PPM1H: variants seen among roughly 807,000 people sequenced by gnomAD.
PPM1H encodes the protein protein phosphatase 1H.
A neutral mutation model predicts 54.9 loss-of-function variants in PPM1H; 27 were observed. That is an observed-to-expected ratio of 0.49 (90% confidence interval 0.36 to 0.68). PPM1H has a LOEUF of 0.68. Ranked by LOEUF, PPM1H falls within the 30% of genes least tolerant of loss-of-function variation. The pLI, the probability that PPM1H is intolerant of heterozygous loss-of-function variation, is 0.00. For synonymous variants in PPM1H, 305 were observed against 270.8 expected, an observed-to-expected ratio of 1.13 and a Z score of -1.24; for missense variants, 596 against 667.8, an observed-to-expected ratio of 0.89 and a Z score of 1.19.
chr12:62,888,545 T>C (rs1451755805), intron 1 of PPM1H, among the ~76,000 whole-genome samples: 1 of 151,946 alleles, frequency 6.6e-6, no homozygotes, highest in Non-Finnish European at 1.5e-5. Context: ...CAAGAAACTA[T>C]CGTCAGAGAT....
chr12:62,676,036 G>C (rs542423404), intron 8 of PPM1H, among the ~76,000 whole-genome samples: 6 of 152,286 alleles, frequency 3.9e-5, no homozygotes, highest in African/African-American at 1.2e-4. Flanking sequence ...TGTGGGTCTG[G>C]GGTTTTTACA....
At chr12:62,862,791 T>C (rs905585115) in intron 1 of PPM1H, among the ~76,000 whole-genome samples, 2 of 152,212 alleles carry the variant, frequency 1.3e-5, no homozygotes, top group African/African-American at 2.4e-5. Flanking sequence ...ATCATTCTTT[T>C]ATATATGAAA....
intron 2 of PPM1H, among the ~76,000 whole-genome samples, chr12:62,804,926 C>T (rs946561381): frequency 3.9e-5 from 6 of 152,116 alleles, no homozygotes; most frequent in African/African-American, 1.4e-4. Flanking sequence ...CCGCCCGCCT[C>T]GGCCTCCCAA....
intron 1 of PPM1H, among the ~76,000 whole-genome samples, chr12:62,861,985 C>T (rs531813058): frequency 1.3e-5 from 2 of 152,288 alleles, no homozygotes; most frequent in African/African-American, 4.8e-5. Context: ...TGGCCCAAAC[C>T]AAATAATGCT....
intron 2 of PPM1H, among the ~76,000 whole-genome samples, chr12:62,818,519 G>C (rs866803390): frequency 6.7e-6 from 1 of 150,166 alleles, no homozygotes; most frequent in Non-Finnish European, 1.5e-5. Flanking sequence ...GCTTTCCTAA[G>C]AGACAGTCTC....
intron 2 of PPM1H, among the ~76,000 whole-genome samples, chr12:62,830,460 T>G (rs1868340061): frequency 6.6e-6 from 1 of 152,148 alleles, no homozygotes; most frequent in Non-Finnish European, 1.5e-5. Context: ...TGTCACTGTG[T>G]TAGCCAGGAT....
At chr12:62,686,625 A>T (rs752933581) in intron 8 of PPM1H, among the ~76,000 whole-genome samples, 3 of 152,226 alleles carry the variant, frequency 2.0e-5, no homozygotes, top group Non-Finnish European at 4.4e-5. Context: ...TCTAGGGGGA[A>T]CTTTGGACAC....
At chr12:62,795,350 C>T (rs2076726545) in intron 3 of PPM1H, among the ~76,000 whole-genome samples, 1 of 152,026 alleles carries the variant, frequency 6.6e-6, no homozygotes, top group Admixed American at 6.6e-5. Context: ...CATTTCACTA[C>T]CTCCTTTTGT....
intron 1 of PPM1H, among the ~76,000 whole-genome samples, chr12:62,907,697 A>G (rs972198729): frequency 7.2e-5 from 11 of 152,202 alleles, no homozygotes; most frequent in African/African-American, 2.7e-4. Context: ...GACCTGGAGA[A>G]TTTAAACGTG....
intron 5 of PPM1H, among the ~76,000 whole-genome samples, chr12:62,732,710 T>C (rs545401936): frequency 2.5e-4 from 38 of 151,844 alleles, no homozygotes; most frequent in African/African-American, 7.7e-4. Context: ...TAGCTGGGAC[T>C]ACAGGCGCCC....
chr12:62,674,016 C>G (rs749142598), intron 8 of PPM1H, among the ~76,000 whole-genome samples: 3 of 151,978 alleles, frequency 2.0e-5, no homozygotes, highest in Admixed American at 1.3e-4. Flanking sequence ...TGCACCTGGC[C>G]TAGCGCTCAA....
intron 2 of PPM1H, among the ~76,000 whole-genome samples, chr12:62,822,778 A>C (rs907941592): frequency 3.9e-5 from 6 of 152,212 alleles, no homozygotes; most frequent in Non-Finnish European, 8.8e-5. Context: ...CTAAATGCAC[A>C]CAAGAGAAAG....
At chr12:62,693,133 A>C (rs2076092605) in intron 7 of PPM1H, among the ~76,000 whole-genome samples, 1 of 152,218 alleles carries the variant, frequency 6.6e-6, no homozygotes, top group African/African-American at 2.4e-5. Flanking sequence ...GTTCCGAGGA[A>C]GAATGCAATG....
intron 4 of PPM1H, among the ~76,000 whole-genome samples, chr12:62,759,097 C>T (rs2076491707): frequency 6.6e-6 from 1 of 152,230 alleles, no homozygotes; most frequent in South Asian, 2.1e-4. Flanking sequence ...CCACCCTTTG[C>T]TGACTCTCTT....
Position 62,934,850 on chromosome 12 carries a change from A to G in PPM1H, c.-114T>C, listed in dbSNP as rs1872277991. Reference sequence around the variant, plus strand: ...CGCCGGGCGCACGGCGAGTCGGGCCACTGGGACGCGCCGCGCGCGGCTCCC... The same window carrying G: ...CGCCGGGCGCACGGCGAGTCGGGCCGCTGGGACGCGCCGCGCGCGGCTCCC... On this transcript the variant is annotated 5_prime_UTR_variant, in exon 1 of 10. Coordinates refer to ENST00000228705, the MANE Select transcript of PPM1H (RefSeq NM_020700.2). This position sits in a 1 kb window ranked among gnomAD's most constrained non-coding sequence, Gnocchi z 4.2. 9.2e-7 allele frequency: 1 copy of G among 1,087,252 alleles called. No individual in the cohort carries two copies. Among genetic ancestry groups the G allele is most frequent in the Non-Finnish European group, 1.2e-6 (1 of 855,568 alleles). 67.4% of individuals were successfully genotyped at this position (1,087,252 alleles called of 1,614,324 possible). A position where few individuals can be genotyped will look rare whatever the true frequency, so the allele number is the denominator to read the frequency against.
intron 5 of PPM1H, 34 bp from the exon 6 acceptor site, chr12:62,720,323 A>T (rs760235532): frequency 6.8e-6 from 10 of 1,463,862 alleles, no homozygotes; most frequent in African/African-American, 4.2e-5. Context: ...AAACACACAC[A>T]TACACGTATT....
At chr12:62,689,875 C>T (rs2076073867) in intron 7 of PPM1H, 69 bp from the exon 8 acceptor site, 1 of 1,119,012 alleles carries the variant, frequency 8.9e-7, no homozygotes, top group Non-Finnish European at 1.3e-6. Flanking sequence ...AGTGCAGCTG[C>T]CTGGGCTAGG....
At chr12:62,680,660 A>G (rs2076014694) in intron 8 of PPM1H, among the ~76,000 whole-genome samples, 1 of 152,202 alleles carries the variant, frequency 6.6e-6, no homozygotes, top group South Asian at 2.1e-4. Context: ...AGGTCTTCAG[A>G]CAACCCCAGC....
At chr12:62,905,881 G>C (rs941855011) in intron 1 of PPM1H, among the ~76,000 whole-genome samples, 1 of 152,116 alleles carries the variant, frequency 6.6e-6, no homozygotes, top group Non-Finnish European at 1.5e-5. Flanking sequence ...ATGATGCAAA[G>C]AACCAGGCAA....
Sources: allele counts gnomAD v4.1 joint callset (sites outside exome capture counted in the v4.1 genomes callset), GRCh38; gene constraint gnomAD v4.1.1; non-coding constraint Gnocchi (gnomAD v3.1); transcripts MANE v1.5; gene names NCBI Gene and HGNC (gene_info 2026-07-23, HGNC 2026-07-21).